MACROD2: variants seen among roughly 807,000 people sequenced by gnomAD.
The protein encoded by MACROD2 is ADP-ribose glycohydrolase MACROD2.
A neutral mutation model predicts 70.4 loss-of-function variants in MACROD2; 36 were observed. That is an observed-to-expected ratio of 0.51 (90% CI 0.39 to 0.68). MACROD2 has a LOEUF of 0.68. Among genes scored for constraint, MACROD2 ranks in the 30% least tolerant of loss-of-function variants. The pLI, the probability that MACROD2 is intolerant of heterozygous loss-of-function variation, is 0.00. For missense variants in MACROD2, 496 were observed against 538.4 expected, an observed-to-expected ratio of 0.92 and a Z score of 0.78; for synonymous variants, 172 against 178.8, an observed-to-expected ratio of 0.96 and a Z score of 0.30.
intron 8 of MACROD2, among the ~76,000 whole-genome samples, chr20:15,750,938 G>T (rs528813974): frequency 1.3e-5 from 2 of 151,950 alleles, no homozygotes; most frequent in South Asian, 2.1e-4. Context: ...TTTGTTTTTT[G>T]TTTGTTTGTT....
intron 7 of MACROD2, among the ~76,000 whole-genome samples, chr20:15,464,729 T>C (rs2046862893): frequency 1.3e-5 from 2 of 152,232 alleles, no homozygotes; most frequent in Non-Finnish European, 2.9e-5. Flanking sequence ...CATCTTAAGA[T>C]AGCACCTTCT....
chr20:15,709,048 A>C (rs1600790724), intron 8 of MACROD2, among the ~76,000 whole-genome samples: 1 of 152,276 alleles, frequency 6.6e-6, no homozygotes, highest in South Asian at 2.1e-4. Flanking sequence ...AATTCATTGA[A>C]TAATGCCAGG....
intron 5 of MACROD2, among the ~76,000 whole-genome samples, chr20:15,141,520 T>C (rs558821218): frequency 2.6e-5 from 4 of 152,312 alleles, no homozygotes; most frequent in Admixed American, 6.5e-5. Context: ...TGCCCTTAAA[T>C]TGGGGCTGGG....
In MACROD2 at chr20:14,963,393, T is replaced by G. The variant is rs140913407; in HGVS notation, c.419-266547T>G. ...AGACCTGGGAGGGTGAAATGACTCA[T>G]TATTCTATTAGACAATGGGACGCTT... On this transcript the variant is annotated intron_variant, in intron 5 of 17. Coordinates refer to ENST00000684519, the MANE Select transcript of MACROD2 (RefSeq NM_001351661.2). Among the ~76,000 whole-genome samples, 777 of 152,254 alleles carry G rather than the reference T, an allele frequency of 5.1e-3. 8 individuals carry two copies. The highest frequency in any genetic ancestry group is 0.018 in the African/African-American group (740 of 41,556).
intron 3 of MACROD2, among the ~76,000 whole-genome samples, chr20:14,416,270 A>G (rs1422169609): frequency 2.0e-5 from 3 of 151,854 alleles, no homozygotes; most frequent in African/African-American, 7.3e-5. Flanking sequence ...GTTGGCCTCT[A>G]TTTTTTTAGC....
At chr20:15,379,570 C>T (rs544876726) in intron 6 of MACROD2, among the ~76,000 whole-genome samples, 1 of 152,078 alleles carries the variant, frequency 6.6e-6, no homozygotes, top group Non-Finnish European at 1.5e-5. Context: ...CGTTTCAAAC[C>T]TGGGCATAAC....
intron 7 of MACROD2, among the ~76,000 whole-genome samples, chr20:15,445,237 C>T (rs1318622627): frequency 6.6e-6 from 1 of 152,132 alleles, no homozygotes; most frequent in African/African-American, 2.4e-5. Context: ...CTCATCTCAG[C>T]CACCTCTGAG....
chr20:15,323,585 A>T (rs1352984957), intron 6 of MACROD2, among the ~76,000 whole-genome samples: 2 of 152,194 alleles, frequency 1.3e-5, no homozygotes, highest in African/African-American at 2.4e-5. Flanking sequence ...ATGATGAACC[A>T]TTTAGCCTCT....
At chr20:14,442,842 C>T (rs1194157764) in intron 3 of MACROD2, among the ~76,000 whole-genome samples, 1 of 151,982 alleles carries the variant, frequency 6.6e-6, no homozygotes, top group Non-Finnish European at 1.5e-5. Context: ...TTTAGGAAGC[C>T]GAGGCGGGCA....
chr20:15,704,482 A>T (rs548755091), intron 8 of MACROD2, among the ~76,000 whole-genome samples: 20 of 152,352 alleles, frequency 1.3e-4, no homozygotes, highest in African/African-American at 4.6e-4. Flanking sequence ...TAGTATGAGT[A>T]ATATTAATAT....
chr20:14,266,874 C>T (rs113478495), intron 3 of MACROD2, among the ~76,000 whole-genome samples: 43 of 152,114 alleles, frequency 2.8e-4, no homozygotes, highest in African/African-American at 9.4e-4. Flanking sequence ...TGTTTTATTG[C>T]CTGTTGGAAT....
rs372062847 is a variant in MACROD2 at position 14,937,308 on chromosome 20, A to AGTG, written c.418+252361_418+252363dup. 1.3e-3 allele frequency among the ~76,000 whole-genome samples: 205 copies of AGTG among 151,936 alleles called. 1 individual carries two copies. Among genetic ancestry groups the AGTG allele is most frequent in the African/African-American group, 4.6e-3 (192 of 41,448 alleles). ...AGTGTGCAGGCAGAGGAGGAAAGGT[A>AGTG]GTGGTGGTGGTGGTTGTAGGGCAGA... is the stretch of plus-strand genomic sequence containing the variant. On this transcript the variant is annotated intron_variant, in intron 5 of 17. Transcript: ENST00000684519.
At chr20:16,022,405 G>C (rs373221980) in intron 15 of MACROD2, among the ~76,000 whole-genome samples, 86 of 152,216 alleles carry the variant, frequency 5.6e-4, no homozygotes, top group African/African-American at 2.0e-3. Flanking sequence ...AAAATTTCTA[G>C]TTGTGAATAC....
intron 6 of MACROD2, among the ~76,000 whole-genome samples, chr20:15,377,774 T>C (rs2045582777): frequency 6.6e-6 from 1 of 151,792 alleles, no homozygotes; most frequent in South Asian, 2.1e-4. Context: ...TTTCTATGCC[T>C]GACCTACAGA....
intron 3 of MACROD2, among the ~76,000 whole-genome samples, chr20:14,369,342 G>A (rs1207508844): frequency 6.6e-6 from 1 of 152,226 alleles, no homozygotes; most frequent in Non-Finnish European, 1.5e-5. Flanking sequence ...CCAAGGACCA[G>A]GGTTGCCTAC....
At chr20:14,805,087 G>A (rs963307644) in intron 5 of MACROD2, among the ~76,000 whole-genome samples, 1 of 151,986 alleles carries the variant, frequency 6.6e-6, no homozygotes, top group African/African-American at 2.4e-5. Context: ...ATGCATATAT[G>A]CCTTTTTAGG....
intron 5 of MACROD2, among the ~76,000 whole-genome samples, chr20:15,187,591 A>T: frequency 6.6e-6 from 1 of 152,178 alleles, no homozygotes; most frequent in East Asian, 1.9e-4. Flanking sequence ...CATTCAGTGT[A>T]GTTAAGGAGA....
chr20:14,743,933 C>T (rs2071766402), intron 5 of MACROD2, among the ~76,000 whole-genome samples: 2 of 151,984 alleles, frequency 1.3e-5, no homozygotes, highest in Non-Finnish European at 2.9e-5. Context: ...AGAGACTGAA[C>T]TTTGAAGATG....
chr20:14,429,630 G>T (rs1568608155), intron 3 of MACROD2, among the ~76,000 whole-genome samples: 1 of 152,106 alleles, frequency 6.6e-6, no homozygotes, highest in Non-Finnish European at 1.5e-5. Flanking sequence ...ATGGTTCTTG[G>T]CATGCAGATG....
Sources: gnomAD v4.1 joint callset for allele counts (sites outside exome capture counted in the v4.1 genomes callset) on GRCh38, gnomAD v4.1.1 for gene constraint, MANE v1.5 for transcripts, NCBI Gene and HGNC (gene_info 2026-07-23, HGNC 2026-07-21) for gene names.